VWA8: variants seen among roughly 807,000 people sequenced by gnomAD.
The protein encoded by VWA8 is von Willebrand factor A domain-containing protein 8.
VWA8 carries 221 observed loss-of-function variants against 241.5 expected under a neutral mutation model. That is an observed-to-expected ratio of 0.91 (90% CI 0.82 to 1.02). The LOEUF (loss-of-function observed/expected upper bound fraction) is 1.02. Among genes scored for constraint, VWA8 ranks in the 50% least tolerant of loss-of-function variants. The pLI, the probability that VWA8 is intolerant of heterozygous loss-of-function variation, is 0.00. For synonymous variants in VWA8, 852 were observed against 827.1 expected, an observed-to-expected ratio of 1.03 and a Z score of -0.52; for missense variants, 2,322 against 2,328.7, an observed-to-expected ratio of 1.00 and a Z score of 0.06.
chr13:41,772,104 G>A (rs909379691), intron 20 of VWA8, among the ~76,000 whole-genome samples: 1 of 151,766 alleles, frequency 6.6e-6, no homozygotes, highest in African/African-American at 2.4e-5. Context: ...TGGTCAGGCT[G>A]GTCTCGGACT....
rs150429171 is a variant in VWA8 at position 41,859,498 on chromosome 13, G to C, written c.1425+6238C>G. Among the ~76,000 whole-genome samples the C allele has an allele frequency of 8.1e-3, 1,230 of 152,218 alleles. 20 individuals are homozygous for C. The highest frequency in any genetic ancestry group is 0.028 in the African/African-American group (1,159 of 41,516). On this transcript the variant is annotated intron_variant, in intron 12 of 44. Coordinates refer to ENST00000379310, the MANE Select transcript of VWA8 (RefSeq NM_015058.2). The stretch of plus-strand genomic sequence containing the variant: ...TGAATTTTAGATTAAATTTGACTTG[G>C]TGTTTAATCTAACTAGTAATTGATC...
chr13:41,951,740 T>C (rs7318112), intron 1 of VWA8, among the ~76,000 whole-genome samples: 35,114 of 152,174 alleles, frequency 0.23, 4,118 homozygotes, highest in East Asian at 0.29. Context: ...CCTTAAATCA[T>C]GGTACTAATA....
intron 4 of VWA8, among the ~76,000 whole-genome samples, chr13:41,907,304 T>G (rs1394304241): frequency 6.6e-6 from 1 of 152,212 alleles, no homozygotes; most frequent in Non-Finnish European, 1.5e-5. Context: ...TAAATCAAAT[T>G]TCTATAGGCA....
intron 37 of VWA8, among the ~76,000 whole-genome samples, chr13:41,660,473 T>C (rs1277435232): frequency 6.6e-6 from 1 of 152,186 alleles, no homozygotes; most frequent in Non-Finnish European, 1.5e-5. Flanking sequence ...CACTCCACAG[T>C]GATTTCACTA....
intron 2 of VWA8, among the ~76,000 whole-genome samples, chr13:41,912,947 A>T (rs1272713974): frequency 1.3e-5 from 2 of 152,190 alleles, no homozygotes; most frequent in African/African-American, 4.8e-5. Context: ...TATAAAAGAA[A>T]AACTCATAAC....
chr13:41,832,807 C>T (rs1420401917), intron 13 of VWA8, among the ~76,000 whole-genome samples: 2 of 152,026 alleles, frequency 1.3e-5, no homozygotes, highest in Non-Finnish European at 2.9e-5. Context: ...GGAAATTTTT[C>T]CCAACTAAAC....
intron 3 of VWA8, among the ~76,000 whole-genome samples, chr13:41,909,183 G>A (rs2138110299): frequency 6.6e-6 from 1 of 152,112 alleles, no homozygotes; most frequent in East Asian, 1.9e-4. Context: ...CTCCAGAGTG[G>A]CTGTGGCTGG....
rs2044292298 is a variant in VWA8 at position 41,570,393 on chromosome 13, G to T, written c.5609+75C>A. The T allele has an allele frequency of 1.5e-5, 20 of 1,342,342 alleles. No individual in the cohort carries two copies. In the Admixed American group the frequency reaches 3.3e-4, roughly 22 times the overall value. The allele number at this position is 1,342,342 out of a possible 1,614,324, so 83.2% of individuals were successfully genotyped here. A position where few individuals can be genotyped will look rare whatever the true frequency, so the allele number is the denominator to read the frequency against. ...GCCTCACTGTCCCTCATGGTGCTAA[G>T]CCTATAAAACAGCATGTGTTAGCTA... On this transcript the variant is annotated intron_variant, in intron 44 of 44. Transcript: ENST00000379310.
intron 24 of VWA8, among the ~76,000 whole-genome samples, chr13:41,724,534 T>C (rs560198108): frequency 1.3e-5 from 2 of 152,238 alleles, no homozygotes; most frequent in East Asian, 1.9e-4. Context: ...TCCCTCTAGA[T>C]GGGAATGTGA....
chr13:41,757,474 A>ATGT (rs750700726), intron 21 of VWA8, among the ~76,000 whole-genome samples: 1 of 151,698 alleles, frequency 6.6e-6, no homozygotes, highest in Non-Finnish European at 1.5e-5. Flanking sequence ...TAGGGGGTAC[A>ATGT]TGTGCAGGTT....
intron 17 of VWA8, among the ~76,000 whole-genome samples, chr13:41,806,413 C>A (rs1045143261): frequency 4.6e-5 from 7 of 151,962 alleles, no homozygotes; most frequent in African/African-American, 1.4e-4. Context: ...ATTAAACATG[C>A]AAAGGATAGG....
intron 12 of VWA8, among the ~76,000 whole-genome samples, chr13:41,855,009 A>G (rs1422340430): frequency 6.6e-6 from 1 of 152,184 alleles, no homozygotes; most frequent in African/African-American, 2.4e-5. Context: ...GAGGTCTTAC[A>G]GGGGCCAGAT....
chr13:41,659,891 C>T (rs1348250146), intron 37 of VWA8, among the ~76,000 whole-genome samples: 4 of 152,172 alleles, frequency 2.6e-5, no homozygotes, highest in East Asian at 3.8e-4. Flanking sequence ...GTTAAGCAAG[C>T]ATATGAAATG....
intron 43 of VWA8, among the ~76,000 whole-genome samples, chr13:41,573,486 A>AAAAAATAAATATAT: frequency 2.6e-5 from 3 of 113,614 alleles, no homozygotes; most frequent in South Asian, 6.2e-4. Context: ...AAAAAAAAAA[A>AAAAAATAAATATAT]ATATATATAT....
intron 20 of VWA8, among the ~76,000 whole-genome samples, chr13:41,770,358 G>A (rs1018362233): frequency 2.7e-5 from 4 of 150,424 alleles, no homozygotes; most frequent in Admixed American, 6.7e-5. Flanking sequence ...GGAGAATGGC[G>A]TGAACCCGGG....
chr13:41,800,696 G>A (rs1005736627), intron 17 of VWA8, among the ~76,000 whole-genome samples: 2 of 151,704 alleles, frequency 1.3e-5, no homozygotes, highest in Admixed American at 1.3e-4. Context: ...GGGAGGCTGA[G>A]GCAGGAGAAT....
At chr13:41,583,888 A>C (rs1028972763) in intron 42 of VWA8, among the ~76,000 whole-genome samples, 1 of 152,182 alleles carries the variant, frequency 6.6e-6, no homozygotes, top group Admixed American at 6.5e-5. Context: ...TTTGAGTTGG[A>C]TATTATAAGA....
intron 34 of VWA8, among the ~76,000 whole-genome samples, chr13:41,688,529 T>C (rs1181466223): frequency 1.3e-5 from 2 of 152,070 alleles, no homozygotes; most frequent in Non-Finnish European, 2.9e-5. Flanking sequence ...TTCTCCTTTA[T>C]AGGTAATAGG....
At chr13:41,708,577 T>C (rs1048795173) in intron 26 of VWA8, among the ~76,000 whole-genome samples, 1 of 152,304 alleles carries the variant, frequency 6.6e-6, no homozygotes, top group Non-Finnish European at 1.5e-5. Flanking sequence ...AAATGATGTA[T>C]ACCTGAGTAT....
Sources: allele counts gnomAD v4.1 joint callset (sites outside exome capture counted in the v4.1 genomes callset), GRCh38; gene constraint gnomAD v4.1.1; transcripts MANE v1.5; gene names NCBI Gene and HGNC (gene_info 2026-07-23, HGNC 2026-07-21).